The following KPNA6 variants were observed in gnomAD, a reference collection of about 807,000 sequenced individuals.
The protein encoded by KPNA6 is karyopherin subunit alpha 6.
KPNA6 carries 9 observed loss-of-function variants against 72.0 expected under a neutral mutation model. That is an observed-to-expected ratio of 0.13 (90% confidence interval 0.08 to 0.22). The LOEUF (loss-of-function observed/expected upper bound fraction) is 0.22. Among genes scored for constraint, KPNA6 ranks in the 10% least tolerant of loss-of-function variants. The pLI is 1.00. For missense variants in KPNA6, 374 were observed against 655.7 expected (o/e 0.57, Z 4.69); for synonymous variants, 219 against 242.1 (o/e 0.90, Z 0.89).
Position 32,173,371 on chromosome 1 carries a change from C to G in KPNA6, c.*2477C>G. On this transcript the variant is annotated 3_prime_UTR_variant, in exon 14 of 14. Transcript: ENST00000373625. ...TCCAAAATCTACTTTGGCTTCAGCT[C>G]CGGGTCCTGTACCAGATGGAAAATG... is the stretch of plus-strand genomic sequence containing the variant. 2.8e-6 allele frequency: 1 copy of G among 351,620 alleles called. No homozygotes were observed. The highest frequency in any genetic ancestry group is 4.1e-5 in the East Asian group (1 of 24,176). The allele number at this position is 351,620 out of a possible 1,614,324, so 21.8% of individuals were successfully genotyped here.
chr1:32,160,678 T>C lies in KPNA6; in HGVS notation c.622T>C (p.Cys208Arg), dbSNP rs1219035507. ...SSVCRDYVLNCSILNPLLTLL... is the reference protein window; with the variant it reads ...SSVCRDYVLNRSILNPLLTLL... ...TGTTTGCCGAGATTACGTCTTGAACTGTTCCATCCTTAATCCTTTGTTAAC... is the reference window on the plus strand; with the variant it reads ...TGTTTGCCGAGATTACGTCTTGAACCGTTCCATCCTTAATCCTTTGTTAAC... Residue 208 changes from cysteine to arginine, a missense_variant, in exon 7 of 14, where the codon TGT becomes CGT. Around this residue, in one of 3 missense-constraint regions of KPNA6, gnomAD observed 298 missense variants for 495.4 expected, o/e 0.60. Coordinates refer to ENST00000373625, the MANE Select transcript of KPNA6 (RefSeq NM_012316.5). 1 of 1,613,846 alleles carries C rather than the reference T, an allele frequency of 6.2e-7. No homozygotes were observed. The highest frequency in any genetic ancestry group is 1.3e-5 in the African/African-American group (1 of 74,916).
chr1:32,155,241 G>A (rs1213475115), intron 2 of KPNA6, among the ~76,000 whole-genome samples: 1 of 151,294 alleles, frequency 6.6e-6, no homozygotes, highest in Non-Finnish European at 1.5e-5. Context: ...CTTTTCACAA[G>A]TTAGACCAAC....
At chr1:32,124,456 G>A (rs533108274) in intron 1 of KPNA6, among the ~76,000 whole-genome samples, 11 of 151,268 alleles carry the variant, frequency 7.3e-5, no homozygotes, top group Non-Finnish European at 1.3e-4. Context: ...CGGGAGGATT[G>A]CTTGAGGCCA....
chr1:32,118,528 C>G (rs2124523725), intron 1 of KPNA6, among the ~76,000 whole-genome samples: 1 of 152,094 alleles, frequency 6.6e-6, no homozygotes, highest in Non-Finnish European at 1.5e-5. Context: ...GGTGCGGTAG[C>G]TCACACTTGT....
rs369321250 is a variant in KPNA6, at chr1:32,169,986, G to A, written c.1349G>A (p.Arg450Gln). ...CTCAATGGACTGGAGAACATCCTGC[G>A]GCTTGGAGAGCAAGAGGGCAAGCGC... is the stretch of plus-strand genomic sequence containing the variant. ...VALNGLENIL[R>Q]LGEQEGKRSG... The change falls in exon 13 of 14, where the codon CGG (arginine) becomes CAG (glutamine). Residue 450 changes from arginine to glutamine, a missense_variant. This residue lies in a region of KPNA6 where 34 missense variants were observed against 110.5 expected (regional missense o/e 0.31). Coordinates refer to ENST00000373625, the MANE Select transcript of KPNA6 (RefSeq NM_012316.5). 85 of 1,613,932 alleles carry A rather than the reference G, an allele frequency of 5.3e-5. No individual in the cohort carries two copies. The highest frequency in any genetic ancestry group is 6.9e-5 in the Non-Finnish European group (82 of 1,180,012).
intron 1 of KPNA6, among the ~76,000 whole-genome samples, chr1:32,141,161 T>A (rs1641829092): frequency 6.6e-6 from 1 of 151,966 alleles, no homozygotes; most frequent in Admixed American, 6.6e-5. Context: ...ACTTGTACTG[T>A]GAAGGTGAGT....
intron 1 of KPNA6, among the ~76,000 whole-genome samples, chr1:32,144,127 A>G (rs1478771039): frequency 1.3e-5 from 2 of 152,212 alleles, no homozygotes; most frequent in African/African-American, 4.8e-5. Context: ...AATAATAATA[A>G]AATAGAACAC....
chr1:32,142,864 C>T (rs1235379810), intron 1 of KPNA6: 1 of 1,011,278 alleles, frequency 9.9e-7, no homozygotes, highest in Non-Finnish European at 1.3e-6. Flanking sequence ...TGTCTGCTTC[C>T]CCAGTGAAGT....
intron 1 of KPNA6, among the ~76,000 whole-genome samples, chr1:32,153,372 C>T (rs879501536): frequency 6.6e-6 from 1 of 151,856 alleles, no homozygotes; most frequent in Non-Finnish European, 1.5e-5. Context: ...TCGAGATCAG[C>T]CTGGCCAACA....
intron 1 of KPNA6, among the ~76,000 whole-genome samples, chr1:32,125,827 G>T (rs1641521900): frequency 6.6e-6 from 1 of 151,960 alleles, no homozygotes; most frequent in Non-Finnish European, 1.5e-5. Flanking sequence ...AGTGAGGTTT[G>T]GGATAGAACC....
At chr1:32,156,364 A>G (rs576476577) in intron 2 of KPNA6, among the ~76,000 whole-genome samples, 6 of 152,092 alleles carry the variant, frequency 3.9e-5, no homozygotes, top group Admixed American at 6.6e-5. Flanking sequence ...AGCACTTTAC[A>G]GCTTCTCTTT....
intron 1 of KPNA6, among the ~76,000 whole-genome samples, chr1:32,114,459 T>A (rs1189560901): frequency 4.1e-4 from 59 of 145,670 alleles, no homozygotes; most frequent in South Asian, 1.3e-3. Flanking sequence ...AAAATATATA[T>A]ATATATATAT....
intron 1 of KPNA6, among the ~76,000 whole-genome samples, chr1:32,111,503 A>G (rs1053557545): frequency 1.3e-5 from 2 of 152,100 alleles, no homozygotes; most frequent in Non-Finnish European, 2.9e-5. Flanking sequence ...TATGAATGTC[A>G]GCTTTTTGTT....
chr1:32,156,907 A>T lies in KPNA6; in HGVS notation c.193A>T (p.Ser65Cys), dbSNP rs772466071. Residue 65 changes from serine to cysteine, a missense_variant, in exon 3 of 14, where the codon AGT becomes TGT. This residue lies in a region of KPNA6 where 298 missense variants were observed against 495.4 expected (regional missense o/e 0.60). Transcript: ENST00000373625. ...TAATGAAGAAGCTGCCATGTTCGATAGTCTTCTCATGGACTCTTATGTGAG... is the reference window on the plus strand; with the variant it reads ...TAATGAAGAAGCTGCCATGTTCGATTGTCTTCTCATGGACTCTTATGTGAG... ...LINEEAAMFD[S>C]LLMDSYVSST... 1 of 1,614,114 alleles carries T rather than the reference A, an allele frequency of 6.2e-7. No individual in the cohort carries two copies. The highest frequency in any genetic ancestry group is 1.7e-5 in the Admixed American group (1 of 60,026).
intron 1 of KPNA6, among the ~76,000 whole-genome samples, chr1:32,125,225 A>T (rs1641511848): frequency 6.6e-6 from 1 of 152,258 alleles, no homozygotes; most frequent in Admixed American, 6.5e-5. Flanking sequence ...TCAAATTACA[A>T]TCCAGTTTGG....
In KPNA6 at chr1:32,162,275, G is replaced by C. The variant is rs111680308; in HGVS notation, c.748-86G>C. The C allele has an allele frequency of 1.7e-4, 214 of 1,256,504 alleles. 1 individual carries two copies. In the Middle Eastern group the frequency reaches 2.2e-3, roughly 13 times the overall value. The allele number at this position is 1,256,504 out of a possible 1,614,324, so 77.8% of individuals were successfully genotyped here. Reference sequence around the variant, plus strand: ...GAATTACTTGTGTGTGTGTATTGTGGGGGCGGTGGTTGCAATGTTAGGGTT... The same window carrying C: ...GAATTACTTGTGTGTGTGTATTGTGCGGGCGGTGGTTGCAATGTTAGGGTT... On this transcript the variant is annotated intron_variant, in intron 8 of 13. Coordinates refer to ENST00000373625, the MANE Select transcript of KPNA6 (RefSeq NM_012316.5).
At position 32,176,463 on chromosome 1, in the gene KPNA6, G is replaced by C. The variant is rs938786706; in HGVS notation, c.*5569G>C. 28 of 152,396 alleles carry C rather than the reference G, an allele frequency of 1.8e-4. No individual in the cohort carries two copies. The highest frequency in any genetic ancestry group is 4.4e-5 in the Non-Finnish European group (3 of 68,020). 9.4% of individuals were successfully genotyped at this position (152,396 alleles called of 1,614,324 possible). A position where few individuals can be genotyped will look rare whatever the true frequency, so the allele number is the denominator to read the frequency against. On this transcript the variant is annotated 3_prime_UTR_variant, in exon 14 of 14. Transcript: ENST00000373625. The stretch of plus-strand genomic sequence containing the variant: ...TTGAGTGTGCTGAGTCCAGACAAAT[G>C]TTATTTATATACACATCCAAATTTG...
chr1:32,146,446 G>T (rs1641930904), intron 1 of KPNA6, among the ~76,000 whole-genome samples: 2 of 151,918 alleles, frequency 1.3e-5, no homozygotes, highest in African/African-American at 4.8e-5. Context: ...ATTTCCTTTT[G>T]TGTATATTTT....
chr1:32,109,323 C>G (rs1641202939), intron 1 of KPNA6, among the ~76,000 whole-genome samples: 1 of 151,986 alleles, frequency 6.6e-6, no homozygotes, highest in African/African-American at 2.4e-5. Flanking sequence ...GCACCCACCA[C>G]CACGCCCGGC....
Sources: gnomAD v4.1 joint callset for allele counts (sites outside exome capture counted in the v4.1 genomes callset) on GRCh38, gnomAD v4.1.1 for gene constraint, gnomAD v4.1.1 regional missense constraint, MANE v1.5 for transcripts, NCBI Gene and HGNC (gene_info 2026-07-23, HGNC 2026-07-21) for gene names.